Variants in GRIN2D observed in about 807,000 individuals in gnomAD.
GRIN2D encodes the protein glutamate receptor ionotropic, NMDA 2D.
Under a neutral mutation model 103.2 loss-of-function variants are expected in GRIN2D, and 37 were observed. The ratio of observed to expected loss-of-function variants is 0.36; its 90% CI spans 0.28 to 0.47. The LOEUF is 0.47. Ranked by LOEUF, GRIN2D falls within the 20% of genes least tolerant of loss-of-function variation. The pLI is 1.00. For synonymous variants in GRIN2D, 845 were observed against 885.6 expected (o/e 0.95, Z 0.81); for missense variants, 1,557 against 1,910.6 (o/e 0.81, Z 3.45).
intron 11 of GRIN2D, among the ~76,000 whole-genome samples, chr19:48,424,798 G>A (rs1193858512): frequency 6.6e-6 from 1 of 152,002 alleles, no homozygotes; most frequent in Non-Finnish European, 1.5e-5. Flanking sequence ...CGCCCAGGTC[G>A]ACATCACCCA....
At position 48,414,405 on chromosome 19, in the gene GRIN2D, C is replaced by T; in HGVS notation, c.1233C>T (p.Leu411=). The change falls in exon 6 of 14, where the codon CTC becomes CTT. Residue 411 remains leucine (L), a synonymous_variant. Transcript: ENST00000263269. The surrounding 1 kb of genome is among the most constrained non-coding windows in gnomAD (Gnocchi z 4.6). The stretch of plus-strand genomic sequence containing the variant: ...GCTGGGAGCAGCAGACGCTCCGCCT[C>T]AAGTACCCGCTGTGGTCCCGCTATG... The part of the protein sequence containing the change: ...VGSWEQQTLR[L]KYPLWSRYGR... 6.2e-7 allele frequency: 1 copy of T among 1,609,786 alleles called. No individual in the cohort carries two copies. Among genetic ancestry groups the T allele is most frequent in the Non-Finnish European group, 8.5e-7 (1 of 1,178,524 alleles).
chr19:48,407,175 G>A (rs1329274795), intron 4 of GRIN2D, among the ~76,000 whole-genome samples: 3 of 151,546 alleles, frequency 2.0e-5, no homozygotes, highest in Non-Finnish European at 4.4e-5. Context: ...GAGATGCCAT[G>A]TTGGTCAGGC....
intron 2 of GRIN2D, among the ~76,000 whole-genome samples, chr19:48,396,210 C>T (rs1362408133): frequency 6.6e-6 from 1 of 151,860 alleles, no homozygotes; most frequent in African/African-American, 2.4e-5. Context: ...AGAGGCTGGA[C>T]TCTGTGATCC....
In GRIN2D at chr19:48,421,729, T is replaced by G; in HGVS notation, c.2092-56T>G. On this transcript the variant is annotated intron_variant, in intron 10 of 13. Transcript: ENST00000263269. The surrounding 1 kb of genome is among the most constrained non-coding windows in gnomAD (Gnocchi z 4.8). ...GCGGGTGTGTCTCAGAATGGGTGAT[T>G]TATGTTAGGGATGTCCCTGCGGAGG... 1.3e-6 allele frequency: 2 copies of G among 1,483,900 alleles called. No individual in the cohort carries two copies. Among genetic ancestry groups the G allele is most frequent in the Admixed American group, 1.8e-5 (1 of 55,378 alleles). 91.9% of individuals were successfully genotyped at this position (1,483,900 alleles called of 1,614,324 possible). A position where few individuals can be genotyped will look rare whatever the true frequency, so the allele number is the denominator to read the frequency against.
At chr19:48,434,538 G>A (rs978857646) in intron 11 of GRIN2D, among the ~76,000 whole-genome samples, 5 of 151,998 alleles carry the variant, frequency 3.3e-5, no homozygotes, top group Admixed American at 6.6e-5. Context: ...GATTACAGGC[G>A]TGAGCCACCA....
chr19:48,443,325 G>A lies in GRIN2D; in HGVS notation c.3399G>A (p.Trp1133Ter). The A allele has an allele frequency of 6.5e-7, 1 of 1,542,300 alleles. No individual in the cohort carries two copies. The highest frequency in any genetic ancestry group is 8.7e-7 in the Non-Finnish European group (1 of 1,154,552). ...GASLGGLEPW[W>*]FADFPYPYAE... The stretch of plus-strand genomic sequence containing the variant: ...CGCTGGGCGGCCTGGAGCCCTGGTG[G>A]TTCGCCGACTTCCCTTACCCGTATG... The change falls in exon 14 of 14, where the codon TGG becomes TGA. Residue 1133 changes from tryptophan (W) to a stop codon, truncating the protein, a stop_gained. Transcript: ENST00000263269. LOFTEE classifies it high-confidence loss of function. This position sits in a 1 kb window ranked among gnomAD's most constrained non-coding sequence, Gnocchi z 8.9.
intron 11 of GRIN2D, among the ~76,000 whole-genome samples, chr19:48,438,908 G>A (rs937928333): frequency 1.3e-5 from 2 of 151,226 alleles, no homozygotes; most frequent in Admixed American, 6.6e-5. Context: ...AGCCTCCTGA[G>A]TAGCTGGGAA....
chr19:48,407,032 C>T (rs1042995141), intron 4 of GRIN2D, among the ~76,000 whole-genome samples: 2 of 148,364 alleles, frequency 1.3e-5, no homozygotes, highest in African/African-American at 2.5e-5. Flanking sequence ...AGCTGGAGTG[C>T]GATGGCGTGA....
At chr19:48,396,847 G>A (rs1415506916) in intron 2 of GRIN2D, among the ~76,000 whole-genome samples, 2 of 152,012 alleles carry the variant, frequency 1.3e-5, no homozygotes, top group Non-Finnish European at 2.9e-5. Context: ...TGACAGCCAG[G>A]AGAGAACCCT....
rs757751635 is a variant in GRIN2D, at chr19:48,416,539, TGAA to T, written c.1735+387_1735+389del. ...GTGTTTTCCTGTACTAGGTATGAGA[TGAA>T]GAGAACAAATTAGCATGGTACCAAT... On this transcript the variant is annotated intron_variant, in intron 8 of 13. Coordinates refer to ENST00000263269, the MANE Select transcript of GRIN2D (RefSeq NM_000836.4). Among the ~76,000 whole-genome samples the T allele has an allele frequency of 5.3e-5, 8 of 152,266 alleles. No homozygotes were observed. The South Asian group carries it at 1.7e-3, about 32-fold the overall frequency.
At chr19:48,439,406 C>A (rs1039157809) in intron 11 of GRIN2D, among the ~76,000 whole-genome samples, 10 of 152,094 alleles carry the variant, frequency 6.6e-5, no homozygotes, top group African/African-American at 2.4e-4. Flanking sequence ...CTATCAACCC[C>A]GTCCTACATG....
Position 48,414,094 on chromosome 19 carries a change from A to C in GRIN2D, c.1189A>C (p.Thr397Pro). Residue 397 changes from threonine to proline, a missense_variant, in exon 5 of 14, where the codon ACG becomes CCG. This residue lies in a region of GRIN2D where 490 missense variants were observed against 601.1 expected (regional missense o/e 0.82). Transcript: ENST00000263269. This position sits in a 1 kb window ranked among gnomAD's most constrained non-coding sequence, Gnocchi z 4.6. ...LVVISLTRDR[T>P]WEVVGSWEQQ... ...GGTCATCTCCCTCACCAGAGACAGG[A>C]CGTGGGAGGTGGTGAGTCGTAGCCC... 6.3e-7 allele frequency: 1 copy of C among 1,595,020 alleles called. No homozygotes were observed. The highest frequency in any genetic ancestry group is 8.6e-7 in the Non-Finnish European group (1 of 1,162,756).
At chr19:48,402,378 TGAGA>T (rs1555891812) in intron 3 of GRIN2D, among the ~76,000 whole-genome samples, 1 of 151,580 alleles carries the variant, frequency 6.6e-6, no homozygotes, top group Non-Finnish European at 1.5e-5. Context: ...TCAGGGTGAA[TGAGA>T]GAGAGAGGAA....
rs545992965 is a variant in GRIN2D at position 48,424,243 on chromosome 19, C to T, written c.2252+2298C>T. Among the ~76,000 whole-genome samples, 767 of 142,718 alleles carry T rather than the reference C, an allele frequency of 5.4e-3. 6 individuals carry two copies. Among genetic ancestry groups the T allele is most frequent in the Non-Finnish European group, 5.9e-3 (394 of 66,636 alleles). 93.6% of individuals were successfully genotyped at this position (142,718 alleles called of 152,430 possible). The stretch of plus-strand genomic sequence containing the variant: ...CCAGCCTGTGAAACATAGTGAGACC[C>T]CCTTGACTCACAAAAAAAAAAATTT... On this transcript the variant is annotated intron_variant, in intron 11 of 13. Transcript: ENST00000263269.
chr19:48,404,459 C>T (rs1970757124), intron 3 of GRIN2D, among the ~76,000 whole-genome samples: 1 of 152,022 alleles, frequency 6.6e-6, no homozygotes, highest in Non-Finnish European at 1.5e-5. Flanking sequence ...TGCCGCTGCT[C>T]ACCGGCCTGG....
In GRIN2D at chr19:48,442,445, G is replaced by A. The variant is rs560390649; in HGVS notation, c.2673+63G>A. ...CAGGGGCGGGGACAAAGGTAAAGCC[G>A]AGCAGAGACAAGGAGATGTGGGTCG... On this transcript the variant is annotated intron_variant, in intron 13 of 13. Coordinates refer to ENST00000263269, the MANE Select transcript of GRIN2D (RefSeq NM_000836.4). This position sits in a 1 kb window ranked among gnomAD's most constrained non-coding sequence, Gnocchi z 7.2. 1.9e-3 allele frequency: 2,934 copies of A among 1,558,500 alleles called. 10 individuals carry two copies. The highest frequency in any genetic ancestry group is 2.6e-3 in the Admixed American group (150 of 58,814).
chr19:48,442,776 G>A lies in GRIN2D; in HGVS notation c.2850G>A (p.Gly950=), dbSNP rs1455136544. 3 of 1,068,132 alleles carry A rather than the reference G, an allele frequency of 2.8e-6. No individual in the cohort carries two copies. The highest frequency in any genetic ancestry group is 2.3e-6 in the Non-Finnish European group (2 of 885,018). The allele number at this position is 1,068,132 out of a possible 1,614,324, so 66.2% of individuals were successfully genotyped here. A position where few individuals can be genotyped will look rare whatever the true frequency, so the allele number is the denominator to read the frequency against. Residue 950 remains glycine, a synonymous_variant, in exon 14 of 14, where the codon GGG becomes GGA. Transcript: ENST00000263269. The surrounding 1 kb of genome is among the most constrained non-coding windows in gnomAD (Gnocchi z 7.2). ...VDRWRRTKGA[G]PPGGAGLADG... is the part of the protein sequence containing the mutation. ...GCTGGCGCCGGACCAAGGGCGCGGG[G>A]CCGCCGGGGGGCGCGGGCCTGGCCG...
intron 11 of GRIN2D, among the ~76,000 whole-genome samples, chr19:48,423,358 G>A (rs1217960994): frequency 6.6e-6 from 1 of 152,174 alleles, no homozygotes; most frequent in Non-Finnish European, 1.5e-5. Context: ...TGTACGCTAA[G>A]CGGTGAACAA....
rs1350101031 is a variant in GRIN2D at position 48,393,771 on chromosome 19, T to G, written c.-403T>G. On this transcript the variant is annotated 5_prime_UTR_variant, in exon 1 of 14. Coordinates refer to ENST00000263269, the MANE Select transcript of GRIN2D (RefSeq NM_000836.4). The surrounding 1 kb of genome is among the most constrained non-coding windows in gnomAD (Gnocchi z 5.6). ...GCCGCCGCCACCCTCGCCCGCAGCCTCCCGCAGCCTCCCTCGGCCACCGGT... is the reference window on the plus strand; with the variant it reads ...GCCGCCGCCACCCTCGCCCGCAGCCGCCCGCAGCCTCCCTCGGCCACCGGT... 6.6e-6 allele frequency among the ~76,000 whole-genome samples: 1 copy of G among 151,990 alleles called. No individual in the cohort carries two copies. Among genetic ancestry groups the G allele is most frequent in the African/African-American group, 2.4e-5 (1 of 41,362 alleles).
Sources: allele counts gnomAD v4.1 joint callset (sites outside exome capture counted in the v4.1 genomes callset), GRCh38; gene constraint gnomAD v4.1.1; regional missense constraint gnomAD v4.1.1; non-coding constraint Gnocchi (gnomAD v3.1); transcripts MANE v1.5; gene names NCBI Gene and HGNC (gene_info 2026-07-23, HGNC 2026-07-21).